The following PDSS2 variants were observed in gnomAD, a reference collection of about 807,000 sequenced individuals.
PDSS2 encodes the protein all trans-polyprenyl-diphosphate synthase PDSS2.
PDSS2 carries 31 observed loss-of-function variants against 44.5 expected under a neutral mutation model. That is an observed-to-expected ratio of 0.70 (90% CI 0.52 to 0.94). PDSS2 has a LOEUF of 0.94. Among genes scored for constraint, PDSS2 ranks in the 40% least tolerant of loss-of-function variants. The pLI is 0.00. For missense variants in PDSS2, 452 were observed against 482.2 expected (o/e 0.94, Z 0.59); for synonymous variants, 157 against 180.3 (o/e 0.87, Z 1.03).
chr6:107,160,560 C>T (rs1218103125), intron 7 of PDSS2, among the ~76,000 whole-genome samples: 2 of 151,788 alleles, frequency 1.3e-5, no homozygotes, highest in East Asian at 3.9e-4. Context: ...CTATATTGCT[C>T]AAGATGGTTT....
chr6:107,186,661 C>T (rs75122376), intron 7 of PDSS2, among the ~76,000 whole-genome samples: 17 of 151,960 alleles, frequency 1.1e-4, no homozygotes, highest in African/African-American at 3.9e-4. Flanking sequence ...TCCCTGTGTC[C>T]ATGTGTTCTC....
At chr6:107,304,575 T>C (rs1368046493) in intron 2 of PDSS2, among the ~76,000 whole-genome samples, 1 of 152,204 alleles carries the variant, frequency 6.6e-6, no homozygotes, top group Admixed American at 6.5e-5. Context: ...CTACTCTCAG[T>C]GCCCAGTCGT....
intron 1 of PDSS2, among the ~76,000 whole-genome samples, chr6:107,411,031 C>T (rs1370456464): frequency 2.0e-5 from 3 of 151,972 alleles, no homozygotes; most frequent in Non-Finnish European, 2.9e-5. Flanking sequence ...ATTACAGGCA[C>T]GTGCTACCAT....
chr6:107,270,767 C>T (rs916236218), intron 3 of PDSS2, among the ~76,000 whole-genome samples: 1 of 152,154 alleles, frequency 6.6e-6, no homozygotes, highest in African/African-American at 2.4e-5. Context: ...TTTCCAATCT[C>T]ACTCACAAAG....
At chr6:107,339,528 G>A (rs867880699) in intron 1 of PDSS2, among the ~76,000 whole-genome samples, 1 of 152,126 alleles carries the variant, frequency 6.6e-6, no homozygotes, top group African/African-American at 2.4e-5. Flanking sequence ...ATGGTCTAAT[G>A]GAAGAGACTG....
At chr6:107,448,932 CATG>C (rs1328257624) in intron 1 of PDSS2, among the ~76,000 whole-genome samples, 5 of 152,236 alleles carry the variant, frequency 3.3e-5, no homozygotes, top group Non-Finnish European at 5.9e-5. Context: ...TACTCACTAT[CATG>C]AAAACAGCCT....
intron 6 of PDSS2, among the ~76,000 whole-genome samples, chr6:107,207,769 C>T (rs1773035926): frequency 6.6e-6 from 1 of 151,832 alleles, no homozygotes; most frequent in African/African-American, 2.4e-5. Flanking sequence ...GCCACCATGC[C>T]TGGCTAACTT....
intron 1 of PDSS2, among the ~76,000 whole-genome samples, chr6:107,387,202 C>T (rs1429611870): frequency 3.9e-5 from 6 of 152,140 alleles, no homozygotes; most frequent in South Asian, 2.1e-4. Flanking sequence ...CCTCACCACC[C>T]GTGAAAAAGA....
rs78340379 is a variant in PDSS2, at chr6:107,450,148, G to T, written c.296+8842C>A. 8.9e-3 allele frequency among the ~76,000 whole-genome samples: 1,352 copies of T among 152,240 alleles called. 51 individuals carry two copies. In the East Asian group the frequency reaches 0.12, roughly 13 times the overall value. On this transcript the variant is annotated intron_variant, in intron 1 of 7. Transcript: ENST00000369037. ...TTTTCACTCAGAATAATTCATCTGA[G>T]ATTCACCCAAGTTGTTGTATCAGTG...
intron 7 of PDSS2, among the ~76,000 whole-genome samples, chr6:107,170,199 G>C (rs1771514425): frequency 6.6e-6 from 1 of 152,158 alleles, no homozygotes; most frequent in Non-Finnish European, 1.5e-5. Context: ...CACCAGCCTT[G>C]TTGCTGCCTT....
intron 6 of PDSS2, among the ~76,000 whole-genome samples, chr6:107,201,562 T>A (rs554291046): frequency 2.6e-5 from 4 of 152,282 alleles, no homozygotes; most frequent in South Asian, 4.1e-4. Flanking sequence ...AACGTTTTTT[T>A]ATAAGTCAGG....
At chr6:107,192,046 T>C (rs1224003962) in intron 7 of PDSS2, among the ~76,000 whole-genome samples, 2 of 152,136 alleles carry the variant, frequency 1.3e-5, no homozygotes, top group African/African-American at 2.4e-5. Context: ...AAAACTGCTG[T>C]AAAAAATAAA....
chr6:107,268,009 G>A (rs903273108), intron 3 of PDSS2, among the ~76,000 whole-genome samples: 5 of 151,990 alleles, frequency 3.3e-5, no homozygotes, highest in African/African-American at 4.8e-5. Context: ...CTTAAATTCC[G>A]CAGGTCTACC....
chr6:107,251,856 T>C (rs1015614262), intron 3 of PDSS2, among the ~76,000 whole-genome samples: 2 of 152,188 alleles, frequency 1.3e-5, no homozygotes, highest in East Asian at 1.9e-4. Flanking sequence ...CACAAACTAT[T>C]TGTGAGACGC....
intron 1 of PDSS2, among the ~76,000 whole-genome samples, chr6:107,421,527 C>A (rs1780822370): frequency 6.6e-6 from 1 of 152,056 alleles, no homozygotes; most frequent in Non-Finnish European, 1.5e-5. Flanking sequence ...TACTGGCATA[C>A]ACAACTTAGG....
At chr6:107,173,597 A>AAAAAT in intron 7 of PDSS2, among the ~76,000 whole-genome samples, 1 of 148,680 alleles carries the variant, frequency 6.7e-6, no homozygotes, top group Non-Finnish European at 1.5e-5. Context: ...AAAAAAAAAA[A>AAAAAT]CGCTTAGAAC....
intron 2 of PDSS2, among the ~76,000 whole-genome samples, chr6:107,313,377 G>C (rs892490769): frequency 2.6e-5 from 4 of 152,152 alleles, no homozygotes; most frequent in Non-Finnish European, 5.9e-5. Flanking sequence ...TATTGAGACA[G>C]AGTCTTGCTC....
At chr6:107,451,502 C>T (rs1434024595) in intron 1 of PDSS2, among the ~76,000 whole-genome samples, 4 of 152,112 alleles carry the variant, frequency 2.6e-5, no homozygotes, top group African/African-American at 9.7e-5. Flanking sequence ...GAATCCAGGG[C>T]TCAGGGCATA....
intron 3 of PDSS2, among the ~76,000 whole-genome samples, chr6:107,268,108 A>G (rs1279134120): frequency 1.3e-5 from 2 of 152,150 alleles, no homozygotes; most frequent in African/African-American, 2.4e-5. Context: ...TTTTATCTGT[A>G]TCTTCCAGAT....
Sources: allele counts gnomAD v4.1 joint callset (sites outside exome capture counted in the v4.1 genomes callset), GRCh38; gene constraint gnomAD v4.1.1; transcripts MANE v1.5; gene names NCBI Gene and HGNC (gene_info 2026-07-23, HGNC 2026-07-21).